EXOC4: variants seen among roughly 807,000 people sequenced by gnomAD.
EXOC4 encodes the protein SEC8-like 1.
Under a neutral mutation model 107.2 loss-of-function variants are expected in EXOC4, and 71 were observed. The ratio of observed to expected loss-of-function variants is 0.66; its 90% confidence interval spans 0.55 to 0.81. EXOC4 has a LOEUF of 0.81. EXOC4 is among the 30% of genes least tolerant of loss of function. The probability of loss-of-function intolerance (pLI) is 0.00; values close to 1 mark genes in which losing one functional copy is unlikely to be tolerated. For synonymous variants in EXOC4, 456 were observed against 441.2 expected (o/e 1.03, Z -0.42); for missense variants, 1,108 against 1,189.6 (o/e 0.93, Z 1.01).
intron 9 of EXOC4, among the ~76,000 whole-genome samples, chr7:133,606,208 C>T (rs1396307533): frequency 2.0e-5 from 3 of 152,094 alleles, no homozygotes; most frequent in South Asian, 4.2e-4. Flanking sequence ...CTTCTGGCCT[C>T]ACCTTTACAG....
chr7:133,547,650 C>T (rs1440422687), intron 9 of EXOC4, among the ~76,000 whole-genome samples: 1 of 152,220 alleles, frequency 6.6e-6, no homozygotes, highest in Non-Finnish European at 1.5e-5. Context: ...ACAGTGTCCA[C>T]AGCATCTTCA....
At chr7:133,338,828 A>G (rs942329474) in intron 5 of EXOC4, among the ~76,000 whole-genome samples, 3 of 139,066 alleles carry the variant, frequency 2.2e-5, no homozygotes, top group African/African-American at 5.4e-5. Flanking sequence ...ATCTCAGCTC[A>G]CTGCAACCTC....
At chr7:133,383,524 T>C (rs1340789907) in intron 7 of EXOC4, among the ~76,000 whole-genome samples, 1 of 152,180 alleles carries the variant, frequency 6.6e-6, no homozygotes, top group African/African-American at 2.4e-5. Context: ...TATAAATGTT[T>C]AGTGATAAAA....
intron 1 of EXOC4, among the ~76,000 whole-genome samples, chr7:133,262,406 A>G (rs1795175728): frequency 6.6e-6 from 1 of 152,040 alleles, no homozygotes; most frequent in South Asian, 2.1e-4. Context: ...TTTGAAAAAC[A>G]TAGGTGTGTA....
rs149671828 is a variant in EXOC4, at chr7:134,028,868, G to A, written c.2687+21033G>A. Among the ~76,000 whole-genome samples, 292 of 152,268 alleles carry A rather than the reference G, an allele frequency of 1.9e-3. 1 individual carries two copies. The highest frequency in any genetic ancestry group is 6.2e-3 in the African/African-American group (259 of 41,554). ...GTAATCTTCTTTTTCTCACTTTTTC[G>A]CTGAGAGGAATGTGGTCTAATCTAG... On this transcript the variant is annotated intron_variant, in intron 17 of 17. Coordinates refer to ENST00000253861, the MANE Select transcript of EXOC4 (RefSeq NM_021807.4).
intron 10 of EXOC4, among the ~76,000 whole-genome samples, chr7:133,636,847 T>C (rs1424646829): frequency 6.6e-6 from 1 of 152,246 alleles, no homozygotes; most frequent in African/African-American, 2.4e-5. Flanking sequence ...TGAACCTCTC[T>C]TGGCAACTTG....
chr7:133,788,862 C>T (rs958781352), intron 10 of EXOC4, among the ~76,000 whole-genome samples: 46 of 152,152 alleles, frequency 3.0e-4, no homozygotes, highest in African/African-American at 1.1e-3. Flanking sequence ...TACCTTCAGG[C>T]TGTATGGAGA....
intron 11 of EXOC4, among the ~76,000 whole-genome samples, chr7:133,830,683 A>G (rs1236784303): frequency 6.6e-6 from 1 of 152,192 alleles, no homozygotes; most frequent in Non-Finnish European, 1.5e-5. Context: ...AAGAGTTCCC[A>G]TATACCCCCA....
At position 134,053,560 on chromosome 7, in the gene EXOC4, T is replaced by TTATATATA. The variant is rs112636370; in HGVS notation, c.2688-10725_2688-10718dup. 4.1e-3 allele frequency among the ~76,000 whole-genome samples: 606 copies of TTATATATA among 149,200 alleles called. 13 individuals are homozygous for TTATATATA. Among genetic ancestry groups the TTATATATA allele is most frequent in the East Asian group, 0.032 (164 of 5,126 alleles). ...TATGCTGATGAAAGTATATCTGATT[T>TTATATATA]TATATATATATATTTAAATATATAA... On this transcript the variant is annotated intron_variant, in intron 17 of 17. Transcript: ENST00000253861.
the EXOC4 span, among the ~76,000 whole-genome samples, chr7:134,096,068 G>A: frequency 6.6e-6 from 1 of 152,074 alleles, no homozygotes; most frequent in East Asian, 1.9e-4. Context: ...ATCCAACAAA[G>A]GTCTAATTTT....
At chr7:133,539,315 ATTG>A (rs1230839836) in intron 9 of EXOC4, among the ~76,000 whole-genome samples, 2 of 150,448 alleles carry the variant, frequency 1.3e-5, no homozygotes, top group Non-Finnish European at 3.0e-5. Flanking sequence ...TCTTCTTTTT[ATTG>A]TTTTATTATT....
intron 9 of EXOC4, among the ~76,000 whole-genome samples, chr7:133,540,161 C>G (rs1800351282): frequency 6.6e-6 from 1 of 152,138 alleles, no homozygotes; most frequent in African/African-American, 2.4e-5. Flanking sequence ...TACTTGTTAT[C>G]ATTTATGTAG....
chr7:133,933,750 G>A (rs930713338), intron 13 of EXOC4, among the ~76,000 whole-genome samples: 4 of 152,142 alleles, frequency 2.6e-5, no homozygotes, highest in African/African-American at 7.2e-5. Flanking sequence ...AGGCCAGTGC[G>A]CCCATTGCCT....
intron 11 of EXOC4, among the ~76,000 whole-genome samples, chr7:133,833,388 C>T (rs531365772): frequency 5.3e-4 from 80 of 152,242 alleles, no homozygotes; most frequent in Non-Finnish European, 7.8e-4. Flanking sequence ...GGGGTTCCTC[C>T]CAGATATTTC....
intron 6 of EXOC4, among the ~76,000 whole-genome samples, chr7:133,365,205 A>T (rs1796226175): frequency 6.6e-6 from 1 of 152,176 alleles, no homozygotes; most frequent in Non-Finnish European, 1.5e-5. Flanking sequence ...TAGTACTAAG[A>T]ACAACAAAGC....
chr7:134,058,018 G>C (rs1347166862), intron 17 of EXOC4, among the ~76,000 whole-genome samples: 10 of 152,086 alleles, frequency 6.6e-5, no homozygotes, highest in Non-Finnish European at 1.5e-4. Context: ...ATTATTTATG[G>C]GATGATTATC....
chr7:133,440,850 T>TGGAAGTGGG (rs1289214724), intron 7 of EXOC4, among the ~76,000 whole-genome samples: 1 of 152,190 alleles, frequency 6.6e-6, no homozygotes, highest in African/African-American at 2.4e-5. Context: ...GAAATAACCA[T>TGGAAGTGGG]GGAAGTGGGT....
intron 6 of EXOC4, among the ~76,000 whole-genome samples, chr7:133,374,559 A>T (rs1222262298): frequency 6.6e-6 from 1 of 152,194 alleles, no homozygotes; most frequent in African/African-American, 2.4e-5. Flanking sequence ...GTTTATTGAG[A>T]TGCTATTGCT....
chr7:133,366,786 G>C (rs779129780), intron 6 of EXOC4, among the ~76,000 whole-genome samples: 2 of 152,102 alleles, frequency 1.3e-5, no homozygotes, highest in Non-Finnish European at 2.9e-5. Flanking sequence ...CCAAATATTG[G>C]AATACAGTAA....
Sources: allele counts gnomAD v4.1 joint callset (sites outside exome capture counted in the v4.1 genomes callset), GRCh38; gene constraint gnomAD v4.1.1; transcripts MANE v1.5; gene names NCBI Gene and HGNC (gene_info 2026-07-23, HGNC 2026-07-21).